Variants in GABRG3 observed in about 807,000 individuals in gnomAD.
GABRG3 encodes gamma-aminobutyric acid receptor subunit gamma-3.
Under a neutral mutation model 48.8 loss-of-function variants are expected in GABRG3, and 25 were observed. The ratio of observed to expected loss-of-function variants is 0.51; its 90% CI spans 0.37 to 0.72. The LOEUF (loss-of-function observed/expected upper bound fraction) is 0.72, where lower values mean the gene tolerates loss of function less well. Among genes scored for constraint, GABRG3 ranks in the 30% least tolerant of loss-of-function variants. The pLI is 0.00. For synonymous variants in GABRG3, 227 were observed against 217.6 expected, an observed-to-expected ratio of 1.04 and a Z score of -0.38; for missense variants, 394 against 577.9, an observed-to-expected ratio of 0.68 and a Z score of 3.26.
intron 5 of GABRG3, among the ~76,000 whole-genome samples, chr15:27,450,687 T>C (rs1002987634): frequency 6.0e-5 from 9 of 150,892 alleles, no homozygotes; most frequent in Non-Finnish European, 7.4e-5. Flanking sequence ...CAGTTCAACA[T>C]AGGAAGTCCT....
At chr15:27,077,504 C>T (rs1211078796) in intron 3 of GABRG3, among the ~76,000 whole-genome samples, 1 of 152,036 alleles carries the variant, frequency 6.6e-6, no homozygotes, top group African/African-American at 2.4e-5. Context: ...CAAATGGAAA[C>T]TAATTTGCAA....
intron 3 of GABRG3, among the ~76,000 whole-genome samples, chr15:27,239,879 C>A (rs1674233511): frequency 6.6e-6 from 1 of 152,170 alleles, no homozygotes. Context: ...TCTAAGATCT[C>A]TTCACATTAT....
intron 3 of GABRG3, among the ~76,000 whole-genome samples, chr15:27,308,592 A>T (rs995668372): frequency 1.8e-4 from 26 of 146,432 alleles, no homozygotes; most frequent in African/African-American, 6.1e-4. Flanking sequence ...ATACATTTAT[A>T]TATAAACATA....
chr15:27,186,786 G>T (rs1026428926), intron 3 of GABRG3, among the ~76,000 whole-genome samples: 4 of 152,012 alleles, frequency 2.6e-5, no homozygotes, highest in South Asian at 2.1e-4. Flanking sequence ...CACGTTTGGT[G>T]TCTTCTTTTA....
At chr15:27,272,223 A>G (rs1382863003) in intron 3 of GABRG3, among the ~76,000 whole-genome samples, 2 of 152,320 alleles carry the variant, frequency 1.3e-5, no homozygotes, top group Non-Finnish European at 2.9e-5. Flanking sequence ...AGTTTTAGCT[A>G]TTCTCACAAG....
At chr15:27,190,496 T>C (rs891060692) in intron 3 of GABRG3, among the ~76,000 whole-genome samples, 1 of 152,190 alleles carries the variant, frequency 6.6e-6, no homozygotes. Context: ...TCTTCTCGAT[T>C]TTCTGGTTTA....
chr15:27,202,143 A>G (rs748891462), intron 3 of GABRG3, among the ~76,000 whole-genome samples: 1 of 152,176 alleles, frequency 6.6e-6, no homozygotes, highest in South Asian at 2.1e-4. Context: ...AAGTGACCCA[A>G]TGCATACCCT....
In GABRG3 at chr15:27,533,997, C is replaced by G. The variant is rs146696075; in HGVS notation, c.*1116C>G. The G allele has an allele frequency of 4.9e-4, 75 of 151,874 alleles. No homozygotes were observed. The highest frequency in any genetic ancestry group is 1.5e-3 in the African/African-American group (63 of 41,400). The allele number at this position is 151,874 out of a possible 1,614,324, so 9.4% of individuals were successfully genotyped here. A position where few individuals can be genotyped will look rare whatever the true frequency, so the allele number is the denominator to read the frequency against. ...GGACTACAGGTGTGCGCTACCACAC[C>G]CGGCTAATTTTTGTATTTTTGTTTT... On this transcript the variant is annotated 3_prime_UTR_variant, in exon 10 of 10. Coordinates refer to ENST00000615808, the MANE Select transcript of GABRG3 (RefSeq NM_033223.5).
At chr15:27,271,495 G>C (rs1259077405) in intron 3 of GABRG3, 1 of 453,320 alleles carries the variant, frequency 2.2e-6, no homozygotes, top group African/African-American at 2.0e-5. Context: ...AGAGCAACAG[G>C]CCACGCCCCG....
rs1418795006 is a variant in GABRG3 at position 27,540,619 on chromosome 15, A to G, written c.*7738A>G. 6.6e-6 allele frequency: 1 copy of G among 152,250 alleles called. No individual in the cohort carries two copies. The highest frequency in any genetic ancestry group is 1.5e-5 in the Non-Finnish European group (1 of 68,042). 9.4% of individuals were successfully genotyped at this position (152,250 alleles called of 1,614,324 possible). A position where few individuals can be genotyped will look rare whatever the true frequency, so the allele number is the denominator to read the frequency against. ...ATCATTCTTGACATTTGATATGTCT[A>G]ATTTTGTGCTAGTGAACCAAGTTTA... On this transcript the variant is annotated 3_prime_UTR_variant, in exon 10 of 10. Transcript: ENST00000615808.
intron 3 of GABRG3, among the ~76,000 whole-genome samples, chr15:27,201,953 G>C (rs1245241957): frequency 6.6e-6 from 1 of 152,154 alleles, no homozygotes; most frequent in Non-Finnish European, 1.5e-5. Context: ...AAATAGACAA[G>C]TTTGTGGTAA....
chr15:27,246,035 C>T (rs1463526392), intron 3 of GABRG3, among the ~76,000 whole-genome samples: 2 of 152,088 alleles, frequency 1.3e-5, no homozygotes, highest in Non-Finnish European at 2.9e-5. Context: ...AGACGCCATG[C>T]TCTTTTAAAC....
chr15:26,980,049 G>T (rs561428735), intron 2 of GABRG3, among the ~76,000 whole-genome samples: 1 of 151,750 alleles, frequency 6.6e-6, no homozygotes. Context: ...GGTTGTGGTG[G>T]TTTTTTTCAA....
intron 3 of GABRG3, among the ~76,000 whole-genome samples, chr15:27,130,542 A>T (rs4258582): frequency 0.18 from 27,669 of 151,942 alleles, 2,792 homozygotes; most frequent in Admixed American, 0.25. Context: ...GAATTTCTAT[A>T]TTAATTCTAG....
intron 3 of GABRG3, among the ~76,000 whole-genome samples, chr15:27,133,698 TG>T (rs1468362758): frequency 6.6e-6 from 1 of 152,244 alleles, no homozygotes; most frequent in Non-Finnish European, 1.5e-5. Context: ...AAGTTTTTCT[TG>T]ATTAGGCAAT....
At chr15:27,452,937 A>C (rs116293656) in intron 5 of GABRG3, among the ~76,000 whole-genome samples, 53 of 152,380 alleles carry the variant, frequency 3.5e-4, no homozygotes, top group African/African-American at 1.2e-3. Context: ...ATGCACACAC[A>C]GACACAGGAA....
chr15:27,450,093 A>G (rs1415508226), intron 5 of GABRG3, among the ~76,000 whole-genome samples: 1 of 152,222 alleles, frequency 6.6e-6, no homozygotes, highest in Non-Finnish European at 1.5e-5. Context: ...TGCCCGCTCC[A>G]CAAGAGCAGA....
intron 3 of GABRG3, among the ~76,000 whole-genome samples, chr15:27,078,401 G>T (rs1468193866): frequency 6.6e-6 from 1 of 152,108 alleles, no homozygotes; most frequent in Non-Finnish European, 1.5e-5. Flanking sequence ...ATTATTTGGG[G>T]TTTTGATCAC....
chr15:27,339,332 A>G (rs1487249276), intron 5 of GABRG3, among the ~76,000 whole-genome samples: 2 of 152,258 alleles, frequency 1.3e-5, no homozygotes, highest in Non-Finnish European at 2.9e-5. Flanking sequence ...GCTCTGCGGC[A>G]TGTCCAGCAT....
Sources: gnomAD v4.1 joint callset for allele counts (sites outside exome capture counted in the v4.1 genomes callset) on GRCh38, gnomAD v4.1.1 for gene constraint, MANE v1.5 for transcripts, NCBI Gene and HGNC (gene_info 2026-07-23, HGNC 2026-07-21) for gene names.